ZFPM2: variants seen among roughly 807,000 people sequenced by gnomAD.
The protein encoded by ZFPM2 is zinc finger protein, FOG family member 2.
In ZFPM2, 20 loss-of-function variants were observed where a neutral mutation model predicts 98.6. The ratio of observed to expected loss-of-function variants is 0.20; its 90% CI spans 0.14 to 0.29. The LOEUF (loss-of-function observed/expected upper bound fraction) is 0.29, where lower values mean the gene tolerates loss of function less well. Ranked by LOEUF, ZFPM2 falls within the 10% of genes least tolerant of loss-of-function variation. The probability of loss-of-function intolerance (pLI) is 1.00; values close to 1 mark genes in which losing one functional copy is unlikely to be tolerated. For synonymous variants in ZFPM2, 518 were observed against 502.7 expected, an observed-to-expected ratio of 1.03 and a Z score of -0.41; for missense variants, 1,310 against 1,388.6, an observed-to-expected ratio of 0.94 and a Z score of 0.90.
At chr8:105,510,052 C>T (rs574183820) in intron 3 of ZFPM2, among the ~76,000 whole-genome samples, 2 of 152,090 alleles carry the variant, frequency 1.3e-5, no homozygotes, top group Non-Finnish European at 2.9e-5. Context: ...CCTCCTTCAC[C>T]TAGTCCCAAA....
At chr8:105,643,959 A>G (rs892189092) in intron 5 of ZFPM2, among the ~76,000 whole-genome samples, 1 of 152,218 alleles carries the variant, frequency 6.6e-6, no homozygotes, top group African/African-American at 2.4e-5. Context: ...CAATTTGTTT[A>G]TACATTGTCT....
intron 1 of ZFPM2, among the ~76,000 whole-genome samples, chr8:105,348,945 A>G (rs1057479435): frequency 2.6e-5 from 4 of 152,128 alleles, no homozygotes; most frequent in African/African-American, 9.7e-5. Flanking sequence ...GGAATATTTC[A>G]TTTTCTACTT....
intron 3 of ZFPM2, among the ~76,000 whole-genome samples, chr8:105,449,142 G>T (rs1171940409): frequency 6.6e-6 from 1 of 151,876 alleles, no homozygotes; most frequent in African/African-American, 2.4e-5. Context: ...TTAAAACATG[G>T]TTACTACTTT....
At chr8:105,687,125 G>T (rs1387057158) in intron 5 of ZFPM2, among the ~76,000 whole-genome samples, 1 of 152,134 alleles carries the variant, frequency 6.6e-6, no homozygotes, top group Non-Finnish European at 1.5e-5. Context: ...CTAAAATGGA[G>T]ATGGTGCTCA....
At chr8:105,759,231 G>T (rs186716822) in intron 5 of ZFPM2, among the ~76,000 whole-genome samples, 8 of 152,158 alleles carry the variant, frequency 5.3e-5, no homozygotes, top group Admixed American at 5.2e-4. Flanking sequence ...CAGTGTACTA[G>T]CCTTTTAATT....
In ZFPM2 at chr8:105,380,707, A is replaced by ATATATATTATATATAACATATATAT. The variant is rs1554599637; in HGVS notation, c.41-38430_41-38429insTATATATAACATATATATTATATAT. Among the ~76,000 whole-genome samples the ATATATATTATATATAACATATATAT allele has an allele frequency of 2.6e-3, 56 of 21,842 alleles. 10 individuals carry two copies. Among genetic ancestry groups the ATATATATTATATATAACATATATAT allele is most frequent in the South Asian group, 0.015 (9 of 598 alleles). 14.3% of individuals were successfully genotyped at this position (21,842 alleles called of 152,430 possible). On this transcript the variant is annotated intron_variant, in intron 1 of 7. Coordinates refer to ENST00000407775, the MANE Select transcript of ZFPM2 (RefSeq NM_012082.4). The stretch of plus-strand genomic sequence containing the variant: ...ATATATTATATATAACATATATAAT[A>ATATATATTATATATAACATATATAT]TATATATATATTATATATAACATAT...
intron 5 of ZFPM2, among the ~76,000 whole-genome samples, chr8:105,766,555 G>GA (rs1034662325): frequency 7.2e-5 from 11 of 151,894 alleles, no homozygotes; most frequent in African/African-American, 2.4e-4. Flanking sequence ...TAGGCATTGA[G>GA]AGGTAGAGTT....
At chr8:105,339,275 C>CT (rs1405357845) in intron 1 of ZFPM2, among the ~76,000 whole-genome samples, 1 of 151,734 alleles carries the variant, frequency 6.6e-6, no homozygotes, top group Non-Finnish European at 1.5e-5. Flanking sequence ...GTTGTTCCAT[C>CT]TTTTTTTGCT....
chr8:105,396,228 A>G (rs1319211250), intron 1 of ZFPM2, among the ~76,000 whole-genome samples: 1 of 152,210 alleles, frequency 6.6e-6, no homozygotes, highest in South Asian at 2.1e-4. Context: ...TGGCATTCAC[A>G]TAACATATTC....
intron 5 of ZFPM2, among the ~76,000 whole-genome samples, chr8:105,723,287 C>T (rs147308013): frequency 9.9e-5 from 15 of 151,912 alleles, no homozygotes; most frequent in African/African-American, 3.4e-4. Flanking sequence ...GGCTTGATGG[C>T]TCTCACAACT....
At chr8:105,446,757 G>A (rs967544033) in intron 3 of ZFPM2, among the ~76,000 whole-genome samples, 2 of 151,816 alleles carry the variant, frequency 1.3e-5, no homozygotes, top group Non-Finnish European at 2.9e-5. Flanking sequence ...TTTCTTCTTC[G>A]TCTATTATAA....
chr8:105,566,153 T>A (rs190985954), intron 4 of ZFPM2, among the ~76,000 whole-genome samples: 1 of 152,264 alleles, frequency 6.6e-6, no homozygotes, highest in East Asian at 1.9e-4. Context: ...ATTTAAATGT[T>A]AATTTCATTC....
intron 5 of ZFPM2, among the ~76,000 whole-genome samples, chr8:105,697,472 A>G (rs1235643792): frequency 1.3e-5 from 2 of 152,208 alleles, no homozygotes; most frequent in African/African-American, 2.4e-5. Context: ...CTGTTAAATT[A>G]CATATGCTTT....
chr8:105,454,289 C>T (rs114754643), intron 3 of ZFPM2, among the ~76,000 whole-genome samples: 2,433 of 151,170 alleles, frequency 0.016, 57 homozygotes, highest in African/African-American at 0.056. Flanking sequence ...GTAGCATGTT[C>T]TTCGATACCC....
At chr8:105,580,560 A>G (rs1449806128) in intron 4 of ZFPM2, among the ~76,000 whole-genome samples, 1 of 152,098 alleles carries the variant, frequency 6.6e-6, no homozygotes, top group African/African-American at 2.4e-5. Context: ...TTTAGACAAG[A>G]TACAAAGTGT....
At chr8:105,362,620 G>T (rs1319660720) in intron 1 of ZFPM2, among the ~76,000 whole-genome samples, 1 of 152,072 alleles carries the variant, frequency 6.6e-6, no homozygotes, top group Non-Finnish European at 1.5e-5. Flanking sequence ...AGTCTTGGAA[G>T]GTGAAGAAGG....
chr8:105,340,208 C>G (rs2957443), intron 1 of ZFPM2, among the ~76,000 whole-genome samples: 67,360 of 151,634 alleles, frequency 0.44, 16,836 homozygotes, highest in Middle Eastern at 0.57. Context: ...GCTTCTGGCT[C>G]TTAGTTTTTT....
At chr8:105,400,143 G>T (rs1314290356) in intron 1 of ZFPM2, among the ~76,000 whole-genome samples, 2 of 151,936 alleles carry the variant, frequency 1.3e-5, no homozygotes. Flanking sequence ...TTCTTTCATT[G>T]TGTCTAAAAT....
intron 1 of ZFPM2, among the ~76,000 whole-genome samples, chr8:105,395,229 C>T (rs1423954528): frequency 6.6e-6 from 1 of 152,196 alleles, no homozygotes; most frequent in Non-Finnish European, 1.5e-5. Flanking sequence ...TTTGCACTTT[C>T]TCTCAGTATT....
Sources: gnomAD v4.1 joint callset for allele counts (sites outside exome capture counted in the v4.1 genomes callset) on GRCh38, gnomAD v4.1.1 for gene constraint, MANE v1.5 for transcripts, NCBI Gene and HGNC (gene_info 2026-07-23, HGNC 2026-07-21) for gene names.